Variants in UNC5A observed in about 807,000 individuals in gnomAD.
UNC5A encodes the protein netrin receptor UNC5A.
UNC5A carries 20 observed loss-of-function variants against 87.4 expected under a neutral mutation model. That is an observed-to-expected ratio of 0.23 (90% CI 0.16 to 0.33). The LOEUF (loss-of-function observed/expected upper bound fraction) is 0.33, where lower values mean the gene tolerates loss of function less well. UNC5A is among the 10% of genes least tolerant of loss of function. UNC5A has a pLI of 1.00. For synonymous variants in UNC5A, 438 were observed against 482.3 expected (o/e 0.91, Z 1.20); for missense variants, 844 against 1,133.4 (o/e 0.74, Z 3.67).
chr5:176,879,943 G>A lies in UNC5A; in HGVS notation c.*57G>A. 1 of 1,554,148 alleles carries A rather than the reference G, an allele frequency of 6.4e-7. No homozygotes were observed. The highest frequency in any genetic ancestry group is 1.2e-5 in the South Asian group (1 of 84,464). ...CAGCTTTGGCACCCACCAAGGACAG[G>A]CAGAAGCCGGACAGGGGCCCTTCCC... On this transcript the variant is annotated 3_prime_UTR_variant, in exon 15 of 15. Transcript: ENST00000329542.
intron 1 of UNC5A, among the ~76,000 whole-genome samples, chr5:176,858,857 G>C (rs576866614): frequency 7.2e-5 from 11 of 152,202 alleles, no homozygotes; most frequent in Non-Finnish European, 5.9e-5. Flanking sequence ...GCTGTGCAGT[G>C]GGGGAGGCGA....
At chr5:176,877,775 G>T (rs1046250780) in intron 10 of UNC5A, 72 bp downstream of exon 10, 1 of 1,522,364 alleles carries the variant, frequency 6.6e-7, no homozygotes, top group Non-Finnish European at 8.9e-7. Flanking sequence ...GCCTTCCACC[G>T]CTGGGTGGTC....
At chr5:176,868,055 G>A (rs1466455014) in intron 2 of UNC5A, 75 bp from the exon 3 acceptor site, 3 of 1,446,740 alleles carry the variant, frequency 2.1e-6, no homozygotes, top group Non-Finnish European at 9.4e-7. Flanking sequence ...GAGTGGCTGA[G>A]GGTGGCGCAG....
At chr5:176,873,857 G>C in intron 6 of UNC5A, 111 bp from the exon 7 acceptor site, 9 of 1,151,912 alleles carry the variant, frequency 7.8e-6, no homozygotes, top group Non-Finnish European at 1.1e-5. Context: ...TCCCTAGCTA[G>C]TGCAGATGCC....
At chr5:176,830,767 GGT>G (rs1479037682) in intron 1 of UNC5A, among the ~76,000 whole-genome samples, 4 of 123,078 alleles carry the variant, frequency 3.2e-5, no homozygotes, top group Non-Finnish European at 3.4e-5. Flanking sequence ...CGTGTGTGTA[GGT>G]GTGTGTGTAC....
intron 1 of UNC5A, among the ~76,000 whole-genome samples, chr5:176,837,091 G>T (rs993522678): frequency 2.0e-5 from 3 of 152,134 alleles, no homozygotes; most frequent in Non-Finnish European, 4.4e-5. Flanking sequence ...TCACTGTGCC[G>T]TGAAATTGCC....
chr5:176,855,290 T>C (rs1173405418), intron 1 of UNC5A, among the ~76,000 whole-genome samples: 1 of 152,210 alleles, frequency 6.6e-6, no homozygotes, highest in Admixed American at 6.5e-5. Context: ...CAGGGCTCCA[T>C]GCCCACGGCT....
rs779877507 is a variant in UNC5A at position 176,869,848 on chromosome 5, G to A, written c.722-522G>A. 105 of 572,936 alleles carry A rather than the reference G, an allele frequency of 1.8e-4. No homozygotes were observed. Among genetic ancestry groups the A allele is most frequent in the East Asian group, 2.7e-4 (9 of 32,896 alleles). 35.5% of individuals were successfully genotyped at this position (572,936 alleles called of 1,614,324 possible). A position where few individuals can be genotyped will look rare whatever the true frequency, so the allele number is the denominator to read the frequency against. On this transcript the variant is annotated intron_variant, in intron 5 of 14. Transcript: ENST00000329542. This position sits in a 1 kb window ranked among gnomAD's most constrained non-coding sequence, Gnocchi z 9.1. ...CATCTCCGTGCCCTGGCTCCATCGC[G>A]CCCACCAGCCTGCCCCCCCATGGCT...
At chr5:176,831,888 T>TTTTTTC (rs1757037968) in intron 1 of UNC5A, among the ~76,000 whole-genome samples, 8 of 5,644 alleles carry the variant, frequency 1.4e-3, no homozygotes, top group African/African-American at 1.6e-3. Context: ...TCTCTCTCTT[T>TTTTTTC]TTTTTTTTTT....
In UNC5A at chr5:176,850,599, G is replaced by A. The variant is rs893096935; in HGVS notation, c.71-12025G>A. Reference sequence around the variant, plus strand: ...GGACCCCGGGGCAGGAGCTGATGGGGGCCACAGAAGCGGGGCCTCAGGAGA... The same window carrying A: ...GGACCCCGGGGCAGGAGCTGATGGGAGCCACAGAAGCGGGGCCTCAGGAGA... On this transcript the variant is annotated intron_variant, in intron 1 of 14. Transcript: ENST00000329542. Among the ~76,000 whole-genome samples the A allele has an allele frequency of 2.0e-5, 3 of 152,246 alleles. No individual in the cohort carries two copies. In the East Asian group the frequency reaches 5.8e-4, roughly 30 times the overall value.
chr5:176,811,986 T>C (rs564616816), intron 1 of UNC5A, among the ~76,000 whole-genome samples: 2 of 151,800 alleles, frequency 1.3e-5, no homozygotes, highest in Non-Finnish European at 2.9e-5. Context: ...CCTTAAAGGG[T>C]GTCTCTGCGC....
intron 1 of UNC5A, among the ~76,000 whole-genome samples, chr5:176,842,834 C>T (rs2118174): frequency 0.024 from 3,701 of 152,214 alleles, 132 homozygotes; most frequent in African/African-American, 0.084. Context: ...CACCTGTTCC[C>T]CAATCACTTA....
At chr5:176,873,903 C>T in intron 6 of UNC5A, 65 bp from the exon 7 acceptor site, 1 of 1,549,172 alleles carries the variant, frequency 6.5e-7, no homozygotes, top group Non-Finnish European at 8.8e-7. Flanking sequence ...GGGTGCAGAC[C>T]ACTGACCTCT....
rs1200024603 is a variant in UNC5A at position 176,824,936 on chromosome 5, G to A, written c.70+14116G>A. 1.3e-5 allele frequency among the ~76,000 whole-genome samples: 2 copies of A among 152,122 alleles called. No homozygotes were observed. The highest frequency in any genetic ancestry group is 2.4e-5 in the African/African-American group (1 of 41,430). On this transcript the variant is annotated intron_variant, in intron 1 of 14. Transcript: ENST00000329542. This position sits in a 1 kb window ranked among gnomAD's most constrained non-coding sequence, Gnocchi z 4.2. ...CCGCTCCCGTGCACACCAAGGCTGCGTCTCCCCACCCTGTGCACAGTGCTT... is the reference window on the plus strand; with the variant it reads ...CCGCTCCCGTGCACACCAAGGCTGCATCTCCCCACCCTGTGCACAGTGCTT...
At chr5:176,827,277 G>A (rs1756879122) in intron 1 of UNC5A, among the ~76,000 whole-genome samples, 1 of 144,932 alleles carries the variant, frequency 6.9e-6, no homozygotes, top group Non-Finnish European at 1.5e-5. Context: ...CCGCCTCCCA[G>A]GTTCAAGCGA....
chr5:176,816,151 G>T (rs992883575), intron 1 of UNC5A, among the ~76,000 whole-genome samples: 2 of 152,230 alleles, frequency 1.3e-5, no homozygotes, highest in African/African-American at 4.8e-5. Context: ...GCCTGGGGTG[G>T]ACTCTGCACT....
Position 176,848,104 on chromosome 5 carries a change from A to T in UNC5A, c.71-14520A>T, listed in dbSNP as rs558755276. ...GGCCCCTACTGACCAGCTGACCAGCAGCCCCCACGCTGCGGCCTCCTCCAG... is the reference window on the plus strand; with the variant it reads ...GGCCCCTACTGACCAGCTGACCAGCTGCCCCCACGCTGCGGCCTCCTCCAG... On this transcript the variant is annotated intron_variant, in intron 1 of 14. Transcript: ENST00000329542. The surrounding 1 kb of genome is among the most constrained non-coding windows in gnomAD (Gnocchi z 5.8). Among the ~76,000 whole-genome samples, 8 of 147,170 alleles carry T rather than the reference A, an allele frequency of 5.4e-5. No individual in the cohort carries two copies. The South Asian group carries it at 1.6e-3, about 29-fold the overall frequency.
Position 176,880,253 on chromosome 5 carries a change from C to T in UNC5A, c.*367C>T. On this transcript the variant is annotated 3_prime_UTR_variant, in exon 15 of 15. Coordinates refer to ENST00000329542, the MANE Select transcript of UNC5A (RefSeq NM_133369.3). ...CATGCACGCACACACTGGGCCTGGG[C>T]CAGGGCCCCAGAGCTCCTGCCTGAG... is the stretch of plus-strand genomic sequence containing the variant. The T allele has an allele frequency of 5.6e-6, 1 of 180,166 alleles. No individual in the cohort carries two copies. The highest frequency in any genetic ancestry group is 1.5e-4 in the South Asian group (1 of 6,872). The allele number at this position is 180,166 out of a possible 1,614,324, so 11.2% of individuals were successfully genotyped here.
At chr5:176,845,004 G>C (rs1216725593) in intron 1 of UNC5A, among the ~76,000 whole-genome samples, 1 of 152,170 alleles carries the variant, frequency 6.6e-6, no homozygotes, top group Non-Finnish European at 1.5e-5. Flanking sequence ...TGAGCAGTAG[G>C]CCAAGGTTTC....
Sources: gnomAD v4.1 joint callset for allele counts (sites outside exome capture counted in the v4.1 genomes callset) on GRCh38, gnomAD v4.1.1 for gene constraint, Gnocchi (gnomAD v3.1) non-coding constraint, MANE v1.5 for transcripts, NCBI Gene and HGNC (gene_info 2026-07-23, HGNC 2026-07-21) for gene names.